The following DGKD variants were observed in gnomAD, a reference collection of about 807,000 sequenced individuals.
DGKD encodes DAG kinase delta.
DGKD carries 68 observed loss-of-function variants against 154.4 expected under a neutral mutation model. The ratio of observed to expected loss-of-function variants is 0.44; its 90% CI spans 0.36 to 0.54. The LOEUF is 0.54. Ranked by LOEUF, DGKD falls within the 20% of genes least tolerant of loss-of-function variation. The pLI is 0.00. For missense variants in DGKD, 1,343 were observed against 1,593.6 expected, an observed-to-expected ratio of 0.84 and a Z score of 2.68; for synonymous variants, 693 against 638.0, an observed-to-expected ratio of 1.09 and a Z score of -1.30.
chr2:233,421,676 T>G (rs1195125923), intron 3 of DGKD, among the ~76,000 whole-genome samples: 1 of 151,982 alleles, frequency 6.6e-6, no homozygotes, highest in African/African-American at 2.4e-5. Flanking sequence ...CTTCCTCGCC[T>G]CCTCCCCGTT....
chr2:233,462,847 A>T, intron 26 of DGKD, 112 bp downstream of exon 26: 1 of 963,800 alleles, frequency 1.0e-6, no homozygotes, highest in Non-Finnish European at 1.6e-6. Flanking sequence ...TCCCGGTCTT[A>T]AGGAATGGGC....
intron 3 of DGKD, among the ~76,000 whole-genome samples, chr2:233,432,975 A>G (rs529483235): frequency 6.6e-6 from 1 of 152,366 alleles, no homozygotes; most frequent in South Asian, 2.1e-4. Context: ...AGAAAAGGGA[A>G]CCGTACACTG....
chr2:233,458,440 C>G lies in DGKD; in HGVS notation c.2694+43C>G. On this transcript the variant is annotated intron_variant, in intron 22 of 29. Coordinates refer to ENST00000264057, the MANE Select transcript of DGKD (RefSeq NM_152879.3). The surrounding 1 kb of genome is among the most constrained non-coding windows in gnomAD (Gnocchi z 6.6). ...GGGGTGTCTGGCCGAGTCCCCAGCC[C>G]GGAGTGTGCTAAATTCTGGGGCAGT... 6.7e-7 allele frequency: 1 copy of G among 1,494,220 alleles called. No homozygotes were observed. The highest frequency in any genetic ancestry group is 9.2e-7 in the Non-Finnish European group (1 of 1,088,634). The allele number at this position is 1,494,220 out of a possible 1,614,324, so 92.6% of individuals were successfully genotyped here.
Position 233,438,522 on chromosome 2 carries a change from G to A in DGKD, c.1085+143G>A. On this transcript the variant is annotated intron_variant, in intron 9 of 29. Coordinates refer to ENST00000264057, the MANE Select transcript of DGKD (RefSeq NM_152879.3). The surrounding 1 kb of genome is among the most constrained non-coding windows in gnomAD (Gnocchi z 4.1). ...ACTGCTTCCTTCCCAAATTGCACTT[G>A]CAGAGGTGCCCACTCTTAATAGAGG... The A allele has an allele frequency of 9.5e-7, 1 of 1,056,576 alleles. No individual in the cohort carries two copies. Among genetic ancestry groups the A allele is most frequent in the East Asian group, 2.6e-5 (1 of 38,132 alleles). 65.5% of individuals were successfully genotyped at this position (1,056,576 alleles called of 1,614,324 possible).
At chr2:233,386,123 T>G (rs1452037273) in intron 1 of DGKD, 1 of 343,532 alleles carries the variant, frequency 2.9e-6, no homozygotes. Flanking sequence ...TAAAGATAAC[T>G]TATAACTTTT....
chr2:233,423,443 C>T (rs73117519), intron 3 of DGKD, among the ~76,000 whole-genome samples: 11,446 of 152,102 alleles, frequency 0.075, 547 homozygotes, highest in African/African-American at 0.13. Flanking sequence ...TTGTAGCCAT[C>T]GTGATAGGTG....
rs2063034745 is a variant in DGKD, at chr2:233,445,463, C to G, written c.1195-160C>G. ...CCAAGGAAAATGCCATCTGTCCCCT[C>G]CAGTGGGCTCTGCCTGTAATGTGTA... On this transcript the variant is annotated intron_variant, in intron 10 of 29. Transcript: ENST00000264057. This position sits in a 1 kb window ranked among gnomAD's most constrained non-coding sequence, Gnocchi z 5.5. 6.6e-6 allele frequency among the ~76,000 whole-genome samples: 1 copy of G among 152,134 alleles called. No homozygotes were observed.
chr2:233,395,772 G>A (rs78864653), intron 3 of DGKD, among the ~76,000 whole-genome samples: 1,819 of 149,998 alleles, frequency 0.012, 30 homozygotes, highest in African/African-American at 0.042. Flanking sequence ...AGGCTCAAGC[G>A]ATCCACCGGC....
At position 233,469,843 on chromosome 2, in the gene DGKD, G is replaced by A. The variant is rs896505653; in HGVS notation, c.*383G>A. On this transcript the variant is annotated 3_prime_UTR_variant, in exon 30 of 30. Coordinates refer to ENST00000264057, the MANE Select transcript of DGKD (RefSeq NM_152879.3). Reference sequence around the variant, plus strand: ...TGGATTGTCCCGGGGGCTCCTCTCCGTGTGTCCTTCTGTGGCCGCACCGTG... The same window carrying A: ...TGGATTGTCCCGGGGGCTCCTCTCCATGTGTCCTTCTGTGGCCGCACCGTG... The A allele has an allele frequency of 4.7e-5, 9 of 190,270 alleles. No individual in the cohort carries two copies. Among genetic ancestry groups the A allele is most frequent in the Admixed American group, 2.9e-4 (5 of 17,312 alleles). 11.8% of individuals were successfully genotyped at this position (190,270 alleles called of 1,614,324 possible).
rs909517908 is a variant in DGKD, at chr2:233,445,471, C to T, written c.1195-152C>T. On this transcript the variant is annotated intron_variant, in intron 10 of 29. Coordinates refer to ENST00000264057, the MANE Select transcript of DGKD (RefSeq NM_152879.3). The surrounding 1 kb of genome is among the most constrained non-coding windows in gnomAD (Gnocchi z 5.5). ...AATGCCATCTGTCCCCTCCAGTGGGCTCTGCCTGTAATGTGTAAGCTGCGT... is the reference window on the plus strand; with the variant it reads ...AATGCCATCTGTCCCCTCCAGTGGGTTCTGCCTGTAATGTGTAAGCTGCGT... 3 of 1,031,066 alleles carry T rather than the reference C, an allele frequency of 2.9e-6. No homozygotes were observed. The Admixed American group carries it at 9.6e-5, about 33-fold the overall frequency. 63.9% of individuals were successfully genotyped at this position (1,031,066 alleles called of 1,614,324 possible). A position where few individuals can be genotyped will look rare whatever the true frequency, so the allele number is the denominator to read the frequency against.
At chr2:233,404,513 A>G (rs1279047493) in intron 3 of DGKD, among the ~76,000 whole-genome samples, 1 of 152,074 alleles carries the variant, frequency 6.6e-6, no homozygotes, top group African/African-American at 2.4e-5. Context: ...TGAGAAGACA[A>G]AACTTCCTCC....
intron 3 of DGKD, among the ~76,000 whole-genome samples, chr2:233,431,502 G>C (rs2062508617): frequency 1.3e-5 from 2 of 152,154 alleles, no homozygotes. Flanking sequence ...ATCCAGAATA[G>C]CCAAAAGACC....
Position 233,470,104 on chromosome 2 carries a change from G to C in DGKD, c.*644G>C, listed in dbSNP as rs1252553123. The C allele has an allele frequency of 1.3e-5, 2 of 152,452 alleles. No homozygotes were observed. Among genetic ancestry groups the C allele is most frequent in the East Asian group, 3.8e-4 (2 of 5,310 alleles). The allele number at this position is 152,452 out of a possible 1,614,324, so 9.4% of individuals were successfully genotyped here. The stretch of plus-strand genomic sequence containing the variant: ...GCGGGTGCTGTTTCCCAGGCGGGGA[G>C]CCCCTCCCTGGGTGTCACAGGGCCT... On this transcript the variant is annotated 3_prime_UTR_variant, in exon 30 of 30. Transcript: ENST00000264057.
chr2:233,445,853 A>G lies in DGKD; in HGVS notation c.1334+91A>G. 1 of 1,402,272 alleles carries G rather than the reference A, an allele frequency of 7.1e-7. No individual in the cohort carries two copies. The highest frequency in any genetic ancestry group is 1.5e-5 in the South Asian group (1 of 64,888). The allele number at this position is 1,402,272 out of a possible 1,614,324, so 86.9% of individuals were successfully genotyped here. On this transcript the variant is annotated intron_variant, in intron 11 of 29. Transcript: ENST00000264057. This position sits in a 1 kb window ranked among gnomAD's most constrained non-coding sequence, Gnocchi z 5.5. ...GTTCTTAACCTGGGGTCTGTGGAAA[A>G]CATGGGCCCTCTGAAATTATTTGTA...
intron 1 of DGKD, among the ~76,000 whole-genome samples, chr2:233,358,503 T>C (rs1227394721): frequency 6.6e-6 from 1 of 152,230 alleles, no homozygotes; most frequent in Non-Finnish European, 1.5e-5. Context: ...TGGTTGTTAG[T>C]ATATTCGCTG....
At chr2:233,376,618 G>A (rs1359317920) in intron 1 of DGKD, among the ~76,000 whole-genome samples, 1 of 152,014 alleles carries the variant, frequency 6.6e-6, no homozygotes, top group African/African-American at 2.4e-5. Context: ...TATACTTTAA[G>A]TTCTAGGGTC....
intron 17 of DGKD, 98 bp downstream of exon 17, chr2:233,451,148 C>T: frequency 1.5e-6 from 2 of 1,318,100 alleles, no homozygotes; most frequent in Admixed American, 2.3e-5. Flanking sequence ...GGAGAGTTTA[C>T]AGGCCCCTGA....
intron 3 of DGKD, among the ~76,000 whole-genome samples, chr2:233,431,937 G>A (rs945599846): frequency 6.6e-6 from 1 of 152,146 alleles, no homozygotes; most frequent in Admixed American, 6.6e-5. Context: ...ACAAGCACAG[G>A]CAACCAAAGC....
rs551165744 is a variant in DGKD, at chr2:233,458,270, C to T, written c.2581-14C>T. 67 of 1,587,976 alleles carry T rather than the reference C, an allele frequency of 4.2e-5. No individual in the cohort carries two copies. Among genetic ancestry groups the T allele is most frequent in the South Asian group, 3.3e-4 (30 of 90,066 alleles). ...TGTGTGGAGTGGTGGTCAGCTCTAA[C>T]GTGTCCCTTGCAGACTTTCGCAGCT... On this transcript the variant is annotated splice_polypyrimidine_tract_variant and intron_variant, in intron 21 of 29. Coordinates refer to ENST00000264057, the MANE Select transcript of DGKD (RefSeq NM_152879.3). The surrounding 1 kb of genome is among the most constrained non-coding windows in gnomAD (Gnocchi z 6.6).
Sources: allele counts gnomAD v4.1 joint callset (sites outside exome capture counted in the v4.1 genomes callset), GRCh38; gene constraint gnomAD v4.1.1; non-coding constraint Gnocchi (gnomAD v3.1); transcripts MANE v1.5; gene names NCBI Gene and HGNC (gene_info 2026-07-23, HGNC 2026-07-21).